The following ADGRF5 variants were observed in gnomAD, a reference collection of about 807,000 sequenced individuals.
ADGRF5 encodes the protein G-protein coupled receptor 116.
ADGRF5 carries 75 observed loss-of-function variants against 132.3 expected under a neutral mutation model. The ratio of observed to expected loss-of-function variants is 0.57; its 90% CI spans 0.47 to 0.69. The LOEUF (loss-of-function observed/expected upper bound fraction) is 0.69, where lower values mean the gene tolerates loss of function less well. ADGRF5 is among the 30% of genes least tolerant of loss of function. The probability of loss-of-function intolerance (pLI) is 0.00; values close to 1 mark genes in which losing one functional copy is unlikely to be tolerated. For synonymous variants in ADGRF5, 629 were observed against 597.6 expected (o/e 1.05, Z -0.77); for missense variants, 1,516 against 1,630.6 (o/e 0.93, Z 1.21).
At chr6:46,868,451 C>T (rs966986016) in intron 12 of ADGRF5, among the ~76,000 whole-genome samples, 3 of 152,150 alleles carry the variant, frequency 2.0e-5, no homozygotes, top group Non-Finnish European at 4.4e-5. Flanking sequence ...TTTGCATTTC[C>T]TCACAAAACA....
At chr6:46,866,827 A>G in intron 13 of ADGRF5, 98 bp downstream of exon 13, 1 of 692,022 alleles carries the variant, frequency 1.4e-6, no homozygotes, top group South Asian at 1.9e-5. Flanking sequence ...TATCTCTGAT[A>G]CAATCCTATG....
chr6:46,872,897 G>C (rs370154549), intron 10 of ADGRF5, among the ~76,000 whole-genome samples: 3 of 152,148 alleles, frequency 2.0e-5, no homozygotes, highest in Admixed American at 6.5e-5. Flanking sequence ...TTTTTCAGCC[G>C]TGGCTGATCA....
chr6:46,895,109 G>T (rs763411049), intron 3 of ADGRF5, among the ~76,000 whole-genome samples: 2 of 151,910 alleles, frequency 1.3e-5, no homozygotes, highest in Non-Finnish European at 2.9e-5. Context: ...CCTGGGAGGC[G>T]GAGGTTGCAG....
intron 3 of ADGRF5, among the ~76,000 whole-genome samples, chr6:46,889,063 T>C (rs1176700474): frequency 1.3e-5 from 2 of 151,838 alleles, no homozygotes; most frequent in Non-Finnish European, 2.9e-5. Context: ...TTTTCAGCTC[T>C]TCATTGTTTT....
intron 1 of ADGRF5, among the ~76,000 whole-genome samples, chr6:46,932,927 G>GA (rs796673439): frequency 1.1e-4 from 17 of 152,244 alleles, no homozygotes; most frequent in African/African-American, 4.1e-4. Flanking sequence ...AAAGAAATCT[G>GA]AAAAAAGACT....
At chr6:46,949,203 T>C (rs1778405796) in intron 1 of ADGRF5, among the ~76,000 whole-genome samples, 1 of 152,190 alleles carries the variant, frequency 6.6e-6, no homozygotes, top group South Asian at 2.1e-4. Context: ...CTGTTTCTGT[T>C]GAAAGGACTG....
chr6:46,951,641 C>G (rs953803580), intron 1 of ADGRF5, among the ~76,000 whole-genome samples: 8 of 152,146 alleles, frequency 5.3e-5, no homozygotes, highest in African/African-American at 1.7e-4. Context: ...TTTCCTGCAC[C>G]ACTTGGTAGA....
chr6:46,923,808 G>A (rs1447283995), upstream of ADGRF5, among the ~76,000 whole-genome samples: 1 of 152,142 alleles, frequency 6.6e-6, no homozygotes. Flanking sequence ...CCACCATATG[G>A]CCTCAGCGGC....
intron 1 of ADGRF5, among the ~76,000 whole-genome samples, chr6:46,952,629 C>T (rs778246435): frequency 4.5e-4 from 69 of 152,136 alleles, no homozygotes; most frequent in Non-Finnish European, 7.6e-4. Context: ...TAAAAATATC[C>T]TTGGAAGATT....
At chr6:46,863,289 C>G in intron 14 of ADGRF5, 193 bp from the exon 15 acceptor site, 1 of 681,188 alleles carries the variant, frequency 1.5e-6, no homozygotes, top group Middle Eastern at 2.4e-4. Flanking sequence ...TCCACATGAA[C>G]CTGACTTCTG....
Position 46,953,416 on chromosome 6 carries a change from G to C in ADGRF5, c.-25+1318C>G, listed in dbSNP as rs1035725987. Among the ~76,000 whole-genome samples the C allele has an allele frequency of 2.4e-4, 36 of 151,908 alleles. 1 individual carries two copies. Among genetic ancestry groups the C allele is most frequent in the Non-Finnish European group, 1.2e-4 (8 of 67,998 alleles). ...GTGGGCAGATCACCTGAGGTCAGGAGTTCGAGACCAGCCTGGGCAACACGG... is the reference window on the plus strand; with the variant it reads ...GTGGGCAGATCACCTGAGGTCAGGACTTCGAGACCAGCCTGGGCAACACGG... On this transcript the variant is annotated intron_variant, in intron 1 of 20. Transcript: ENST00000265417.
chr6:46,895,975 T>G (rs1385597950), intron 3 of ADGRF5, among the ~76,000 whole-genome samples: 2 of 152,088 alleles, frequency 1.3e-5, no homozygotes, highest in African/African-American at 4.8e-5. Flanking sequence ...ATTATTGCTG[T>G]CCTTCATCCC....
intron 8 of ADGRF5, 53 bp downstream of exon 8, chr6:46,881,402 A>C: frequency 6.7e-7 from 1 of 1,484,852 alleles, no homozygotes; most frequent in Non-Finnish European, 9.4e-7. Flanking sequence ...CTAATTTCCT[A>C]GGTTTACGCA....
At chr6:46,910,375 A>C (rs1419053278) in intron 1 of ADGRF5, among the ~76,000 whole-genome samples, 1 of 152,092 alleles carries the variant, frequency 6.6e-6, no homozygotes, top group Admixed American at 6.6e-5. Flanking sequence ...GTGGTTATTA[A>C]TTGGTTATTA....
intron 1 of ADGRF5, 41 bp from the exon 2 acceptor site, chr6:46,906,827 T>C: frequency 1.2e-6 from 1 of 868,630 alleles, no homozygotes; most frequent in Non-Finnish European, 2.0e-6. Flanking sequence ...CAGCAATTTA[T>C]TTCTTAAACA....
At chr6:46,932,521 C>T (rs1179516571) in intron 1 of ADGRF5, among the ~76,000 whole-genome samples, 1 of 152,122 alleles carries the variant, frequency 6.6e-6, no homozygotes, top group Non-Finnish European at 1.5e-5. Context: ...CACATTAATG[C>T]CCCCTGAAGC....
upstream of ADGRF5, among the ~76,000 whole-genome samples, chr6:46,924,541 C>T (rs1439157188): frequency 2.0e-5 from 3 of 152,204 alleles, no homozygotes; most frequent in Non-Finnish European, 4.4e-5. Flanking sequence ...CAGGTGATCT[C>T]TACTAGTTTT....
intron 1 of ADGRF5, among the ~76,000 whole-genome samples, chr6:46,914,832 TTTG>T (rs1232405489): frequency 6.6e-6 from 1 of 151,732 alleles, no homozygotes; most frequent in Non-Finnish European, 1.5e-5. Context: ...GGGTCAGGTT[TTTG>T]TTGTTTGTTT....
upstream of ADGRF5, among the ~76,000 whole-genome samples, chr6:46,924,588 A>G (rs1470414264): frequency 2.6e-5 from 4 of 152,112 alleles, no homozygotes; most frequent in African/African-American, 7.2e-5. Flanking sequence ...CCAAATGTCT[A>G]TCTCTATCAT....
Sources: allele counts gnomAD v4.1 joint callset (sites outside exome capture counted in the v4.1 genomes callset), GRCh38; gene constraint gnomAD v4.1.1; transcripts MANE v1.5; gene names NCBI Gene and HGNC (gene_info 2026-07-23, HGNC 2026-07-21).